The following ZFAND6 variants were observed in gnomAD, a reference collection of about 807,000 sequenced individuals.
ZFAND6 encodes the protein AN1-type zinc finger protein 6.
A neutral mutation model predicts 24.5 loss-of-function variants in ZFAND6; 12 were observed. The observed-to-expected ratio is 0.49, with a 90% CI of 0.31 to 0.79. The LOEUF (loss-of-function observed/expected upper bound fraction) is 0.79. Ranked by LOEUF, ZFAND6 falls within the 30% of genes least tolerant of loss-of-function variation. ZFAND6 has a pLI of 0.04. For synonymous variants in ZFAND6, 92 were observed against 81.5 expected (o/e 1.13, Z -0.69); for missense variants, 207 against 245.9 (o/e 0.84, Z 1.06).
chr15:80,116,290 A>G (rs2039875113), intron 2 of ZFAND6, among the ~76,000 whole-genome samples: 1 of 152,196 alleles, frequency 6.6e-6, no homozygotes, highest in Non-Finnish European at 1.5e-5. Flanking sequence ...TGCACGTTTT[A>G]TAAGCAGTGG....
chr15:80,100,411 T>C (rs1271305890), intron 2 of ZFAND6, among the ~76,000 whole-genome samples: 2 of 152,018 alleles, frequency 1.3e-5, no homozygotes, highest in African/African-American at 4.8e-5. Flanking sequence ...GGGAAGAGAG[T>C]TGCTTTTATC....
intron 1 of ZFAND6, among the ~76,000 whole-genome samples, chr15:80,067,209 G>T (rs2036698245): frequency 6.6e-6 from 1 of 152,032 alleles, no homozygotes; most frequent in Non-Finnish European, 1.5e-5. Context: ...CAAATGGTAG[G>T]GCTGCTTCCA....
chr15:80,060,383 G>A (rs1360840393), intron 1 of ZFAND6: 1 of 151,798 alleles, frequency 6.6e-6, no homozygotes, highest in Non-Finnish European at 1.5e-5. Flanking sequence ...GCTTGCTTAG[G>A]ATTCTAAATT....
intron 1 of ZFAND6, among the ~76,000 whole-genome samples, chr15:80,082,820 C>T (rs573572307): frequency 6.2e-4 from 95 of 152,104 alleles, no homozygotes; most frequent in African/African-American, 2.2e-3. Flanking sequence ...CTTTGATTTC[C>T]TATGAACTAA....
At chr15:80,108,851 C>T (rs2039469084) in intron 2 of ZFAND6, among the ~76,000 whole-genome samples, 3 of 152,038 alleles carry the variant, frequency 2.0e-5, no homozygotes, top group Non-Finnish European at 1.5e-5. Context: ...CCTTAGCCTC[C>T]AGAGTAGCTG....
chr15:80,127,352 C>T (rs527650100), intron 5 of ZFAND6, among the ~76,000 whole-genome samples: 2 of 152,158 alleles, frequency 1.3e-5, no homozygotes, highest in East Asian at 3.9e-4. Flanking sequence ...CTTTGGGAGG[C>T]TGAGGCGGGC....
intron 1 of ZFAND6, among the ~76,000 whole-genome samples, chr15:80,067,187 AT>A (rs1344779885): frequency 1.3e-5 from 2 of 152,084 alleles, no homozygotes; most frequent in Non-Finnish European, 2.9e-5. Context: ...GGAGACTTTT[AT>A]TTTTTATTTC....
chr15:80,073,902 C>T (rs79897481), intron 1 of ZFAND6, among the ~76,000 whole-genome samples: 1,857 of 151,782 alleles, frequency 0.012, 31 homozygotes, highest in African/African-American at 0.042. Context: ...AATAGTATTG[C>T]GTTGAACACA....
chr15:80,067,966 A>T (rs998078585), intron 1 of ZFAND6, among the ~76,000 whole-genome samples: 5 of 152,020 alleles, frequency 3.3e-5, no homozygotes, highest in African/African-American at 1.2e-4. Context: ...TAATTAAAAA[A>T]ATTTTTTTTT....
chr15:80,068,658 T>C (rs972203259), intron 1 of ZFAND6, among the ~76,000 whole-genome samples: 14 of 152,278 alleles, frequency 9.2e-5, no homozygotes, highest in African/African-American at 2.9e-4. Context: ...AGGCGTGAGC[T>C]ACCGCGCTCA....
intron 2 of ZFAND6, among the ~76,000 whole-genome samples, chr15:80,114,381 A>T (rs919901013): frequency 6.6e-6 from 1 of 152,206 alleles, no homozygotes; most frequent in Non-Finnish European, 1.5e-5. Flanking sequence ...GGGTTAAATT[A>T]TGTGAAGGAC....
chr15:80,114,308 C>T (rs754669095), intron 2 of ZFAND6, among the ~76,000 whole-genome samples: 1 of 152,180 alleles, frequency 6.6e-6, no homozygotes, highest in Non-Finnish European at 1.5e-5. Context: ...CAGCTGCTGC[C>T]GACCTGACTC....
At chr15:80,125,565 G>C (rs1431459408) in intron 5 of ZFAND6, among the ~76,000 whole-genome samples, 1 of 152,150 alleles carries the variant, frequency 6.6e-6, no homozygotes, top group Non-Finnish European at 1.5e-5. Context: ...TGAGAATTTA[G>C]CATATTGAAG....
upstream of ZFAND6, among the ~76,000 whole-genome samples, chr15:80,058,964 C>T (rs76305852): frequency 6.4e-3 from 978 of 152,378 alleles, 6 homozygotes; most frequent in Admixed American, 9.5e-3. Flanking sequence ...TCCAGCGCAG[C>T]AGCCCAGCGT....
At chr15:80,109,236 G>C (rs561208816) in intron 2 of ZFAND6, among the ~76,000 whole-genome samples, 9 of 152,244 alleles carry the variant, frequency 5.9e-5, no homozygotes, top group African/African-American at 2.2e-4. Flanking sequence ...TTGAATGCCT[G>C]CCATTTACCA....
intron 1 of ZFAND6, among the ~76,000 whole-genome samples, chr15:80,067,709 T>G (rs1355783840): frequency 6.6e-6 from 1 of 152,136 alleles, no homozygotes; most frequent in Non-Finnish European, 1.5e-5. Context: ...GAGACAGTCT[T>G]CTGCAATAAT....
At chr15:80,073,359 A>G (rs1472894226) in intron 1 of ZFAND6, 3 of 316,158 alleles carry the variant, frequency 9.5e-6, no homozygotes, top group East Asian at 9.6e-5. Context: ...TTTTTAAAGT[A>G]TCTGATTCTA....
At chr15:80,066,519 G>T (rs928558611) in intron 1 of ZFAND6, among the ~76,000 whole-genome samples, 4 of 152,002 alleles carry the variant, frequency 2.6e-5, no homozygotes, top group African/African-American at 9.7e-5. Context: ...CACCACGGTG[G>T]CCAGGCTGGT....
At chr15:80,069,223 G>A (rs955220830) in intron 1 of ZFAND6, among the ~76,000 whole-genome samples, 2 of 152,124 alleles carry the variant, frequency 1.3e-5, no homozygotes, top group Admixed American at 6.5e-5. Flanking sequence ...TCTATGATAT[G>A]TTGTTTGGCA....
Sources: gnomAD v4.1 joint callset for allele counts (sites outside exome capture counted in the v4.1 genomes callset) on GRCh38, gnomAD v4.1.1 for gene constraint, MANE v1.5 for transcripts, NCBI Gene and HGNC (gene_info 2026-07-23, HGNC 2026-07-21) for gene names.